The following DPP8 variants were observed in gnomAD, a reference collection of about 807,000 sequenced individuals.
The protein encoded by DPP8 is dipeptidyl peptidase 8.
Under a neutral mutation model 107.5 loss-of-function variants are expected in DPP8, and 31 were observed. That is an observed-to-expected ratio of 0.29 (90% confidence interval 0.22 to 0.39). The LOEUF (loss-of-function observed/expected upper bound fraction) is 0.39. Ranked by LOEUF, DPP8 falls within the 10% of genes least tolerant of loss-of-function variation. DPP8 has a pLI of 1.00. For synonymous variants in DPP8, 381 were observed against 356.6 expected, an observed-to-expected ratio of 1.07 and a Z score of -0.77; for missense variants, 842 against 1,076.1, an observed-to-expected ratio of 0.78 and a Z score of 3.04.
chr15:65,453,883 G>A (rs1038016079), intron 17 of DPP8, among the ~76,000 whole-genome samples: 2 of 152,062 alleles, frequency 1.3e-5, no homozygotes, highest in Admixed American at 1.3e-4. Flanking sequence ...CAACGCAGGT[G>A]GATCTCTTGA....
Position 65,451,952 on chromosome 15 carries a change from G to A in DPP8, c.2414+8C>T, listed in dbSNP as rs755034858. The A allele has an allele frequency of 1.5e-5, 23 of 1,534,814 alleles. 1 individual carries two copies. The highest frequency in any genetic ancestry group is 1.2e-4 in the South Asian group (10 of 82,420). Reference sequence around the variant, plus strand: ...TTTAAAAAAAAAAAAAAAAAAGCTTGCACTTACTCAGAGGGGAACTTTTCT... The same window carrying A: ...TTTAAAAAAAAAAAAAAAAAAGCTTACACTTACTCAGAGGGGAACTTTTCT... On this transcript the variant is annotated splice_region_variant and intron_variant, in intron 18 of 19. Transcript: ENST00000300141.
chr15:65,485,892 G>C (rs555478340), intron 7 of DPP8, among the ~76,000 whole-genome samples: 126 of 151,724 alleles, frequency 8.3e-4, no homozygotes, highest in African/African-American at 3.0e-3. Flanking sequence ...TCAGGAGTTT[G>C]AGACCAGCCT....
chr15:65,512,928 T>C (rs534579113), intron 1 of DPP8: 9 of 199,590 alleles, frequency 4.5e-5, no homozygotes, highest in African/African-American at 1.9e-4. Flanking sequence ...AGCACGTCAA[T>C]AGTGAAGCTA....
intron 6 of DPP8, among the ~76,000 whole-genome samples, 193 bp downstream of exon 6, chr15:65,489,996 G>A (rs954923815): frequency 6.6e-6 from 1 of 152,202 alleles, no homozygotes; most frequent in Admixed American, 6.6e-5. Context: ...TGGGATTACA[G>A]GTGTTAGCCA....
intron 15 of DPP8, among the ~76,000 whole-genome samples, chr15:65,460,358 G>A (rs1343847482): frequency 3.9e-5 from 6 of 152,122 alleles, no homozygotes; most frequent in African/African-American, 1.4e-4. Context: ...CAGGAGAATC[G>A]CTTGAACCCA....
At chr15:65,476,592 T>C (rs932239957) in intron 11 of DPP8, among the ~76,000 whole-genome samples, 4 of 152,162 alleles carry the variant, frequency 2.6e-5, no homozygotes, top group Non-Finnish European at 5.9e-5. Flanking sequence ...GCCACTACCG[T>C]TGGTGTTCCA....
chr15:65,497,053 C>G (rs1326073190), intron 5 of DPP8, among the ~76,000 whole-genome samples: 1 of 151,986 alleles, frequency 6.6e-6, no homozygotes, highest in Non-Finnish European at 1.5e-5. Context: ...ACCATTCCGG[C>G]TAATTTTTGT....
rs1473534772 is a variant in DPP8, at chr15:65,485,230, C to G, written c.956-70G>C. ...CTCAAATTAATTTTGCCAGATCAATCCTCTTTACACTTTAGTTAAGAATAA... is the reference window on the plus strand; with the variant it reads ...CTCAAATTAATTTTGCCAGATCAATGCTCTTTACACTTTAGTTAAGAATAA... On this transcript the variant is annotated intron_variant, in intron 7 of 19. Transcript: ENST00000300141. 3 of 1,157,060 alleles carry G rather than the reference C, an allele frequency of 2.6e-6. No homozygotes were observed. In the African/African-American group the frequency reaches 4.6e-5, roughly 18 times the overall value. The allele number at this position is 1,157,060 out of a possible 1,614,324, so 71.7% of individuals were successfully genotyped here. A position where few individuals can be genotyped will look rare whatever the true frequency, so the allele number is the denominator to read the frequency against.
Position 65,454,331 on chromosome 15 carries a change from T to G in DPP8, c.2203A>C (p.Ile735Leu), listed in dbSNP as rs2064222786. The change falls in exon 17 of 20, where the codon ATC becomes CTC. Residue 735 changes from isoleucine to leucine, a missense_variant. Ile to Leu is a conservative substitution (Grantham distance 5). This residue lies in a region of DPP8 where 179 missense variants were observed against 318.0 expected (regional missense o/e 0.56). Transcript: ENST00000300141. ...TATCCTCCATAGGACCAGCCGTGGA[T>G]GCCCACACGATCTAAGTCAATGAAA... Reference protein sequence around the residue: ...YDFIDLDRVGIHGWSYGGYLS... With the variant: ...YDFIDLDRVGLHGWSYGGYLS... 6.2e-7 allele frequency: 1 copy of G among 1,604,864 alleles called. No individual in the cohort carries two copies. Among genetic ancestry groups the G allele is most frequent in the Non-Finnish European group, 8.5e-7 (1 of 1,176,892 alleles).
At position 65,448,876 on chromosome 15, in the gene DPP8, A is replaced by ATGTG. The variant is rs1270279189; in HGVS notation, c.2527-1871_2527-1870insCACA. On this transcript the variant is annotated intron_variant, in intron 19 of 19. Transcript: ENST00000300141. ...ACATATATATCTAAAATATATATATATATATATATATATATATATATATAT... is the reference window on the plus strand; with the variant it reads ...ACATATATATCTAAAATATATATATATGTGTATATATATATATATATATATATAT... 3.4e-3 allele frequency among the ~76,000 whole-genome samples: 105 copies of ATGTG among 30,502 alleles called. 3 individuals are homozygous for ATGTG. The highest frequency in any genetic ancestry group is 0.011 in the African/African-American group (58 of 5,170). The allele number at this position is 30,502 out of a possible 152,430, so 20.0% of individuals were successfully genotyped here.
intron 11 of DPP8, chr15:65,475,497 C>T (rs2066303736): frequency 6.8e-7 from 1 of 1,476,618 alleles, no homozygotes; most frequent in Non-Finnish European, 9.4e-7. Flanking sequence ...CCCACATAGG[C>T]CATCACATGA....
In DPP8 at chr15:65,512,369, T is replaced by C. The variant is rs765028164; in HGVS notation, c.185A>G (p.Lys62Arg). 4 of 1,613,984 alleles carry C rather than the reference T, an allele frequency of 2.5e-6. No individual in the cohort carries two copies. In the Admixed American group the frequency reaches 6.7e-5, roughly 27 times the overall value. The change falls in exon 2 of 20, where the codon AAG becomes AGG. Residue 62 changes from lysine (K) to arginine (R), a missense_variant. By Grantham distance (26) the Lys-to-Arg change is conservative. Coordinates refer to ENST00000300141, the MANE Select transcript of DPP8 (RefSeq NM_130434.5). ...CACAAACATGAAATCATGTGGTGCC[T>C]TAGCCATCATGTAGCCATGATATTT... ...TRKYHGYMMA[K>R]APHDFMFVKR...
rs941253188 is a variant in DPP8 at position 65,445,902 on chromosome 15, T to A, written c.*982A>T. ...TTCTGCTTAGTTTTTAATCAGGCCC[T>A]CACCACCTCTTCTCTCTGTCATTCC... On this transcript the variant is annotated 3_prime_UTR_variant, in exon 20 of 20. Coordinates refer to ENST00000300141, the MANE Select transcript of DPP8 (RefSeq NM_130434.5). 1 of 152,086 alleles carries A rather than the reference T, an allele frequency of 6.6e-6. No individual in the cohort carries two copies. The highest frequency in any genetic ancestry group is 1.5e-5 in the Non-Finnish European group (1 of 68,008). 9.4% of individuals were successfully genotyped at this position (152,086 alleles called of 1,614,324 possible).
At chr15:65,456,511 A>G in intron 15 of DPP8, 140 bp from the exon 16 acceptor site, 1 of 900,796 alleles carries the variant, frequency 1.1e-6, no homozygotes, top group Non-Finnish European at 1.6e-6. Context: ...ATTTCTTTTT[A>G]AATTAACAAG....
Position 65,500,724 on chromosome 15 carries a change from T to C in DPP8, c.428A>G (p.Lys143Arg). Residue 143 changes from lysine (K) to arginine (R), a missense_variant, in exon 4 of 20, where the codon AAA (lysine) becomes AGA (arginine). By Grantham distance (26) the Lys-to-Arg change is conservative. Around this residue, in one of 2 missense-constraint regions of DPP8, gnomAD observed 663 missense variants for 758.0 expected, o/e 0.87. Transcript: ENST00000300141. ...SREEELLRER[K>R]RIGTVGIASY... Reference sequence around the variant, plus strand: ...AGCAATTCCGACTGTTCCAATGCGTTTTCTTTCTCTTAATAGTTCTTCTTC... The same window carrying C: ...AGCAATTCCGACTGTTCCAATGCGTCTTCTTTCTCTTAATAGTTCTTCTTC... 1 of 1,614,082 alleles carries C rather than the reference T, an allele frequency of 6.2e-7. No individual in the cohort carries two copies.
At chr15:65,460,239 C>T (rs963077304) in intron 15 of DPP8, among the ~76,000 whole-genome samples, 1 of 151,824 alleles carries the variant, frequency 6.6e-6, no homozygotes, top group Non-Finnish European at 1.5e-5. Context: ...GTCAGGAGTT[C>T]GAGACCAGCC....
Position 65,454,430 on chromosome 15 carries a change from A to T in DPP8, c.2119-15T>A. ...TCTATTTGACCCTGTCAAAAAAGGG[A>T]GAACATTTCACTGATTCTGATGAAT... On this transcript the variant is annotated splice_polypyrimidine_tract_variant and intron_variant, in intron 16 of 19. Coordinates refer to ENST00000300141, the MANE Select transcript of DPP8 (RefSeq NM_130434.5). The T allele has an allele frequency of 6.3e-7, 1 of 1,581,212 alleles. No individual in the cohort carries two copies. Among genetic ancestry groups the T allele is most frequent in the Non-Finnish European group, 8.6e-7 (1 of 1,168,092 alleles).
chr15:65,455,774 A>C (rs1431671473), intron 16 of DPP8: 1 of 1,288,414 alleles, frequency 7.8e-7, no homozygotes, highest in Admixed American at 2.3e-5. Context: ...GGAACATCGG[A>C]TTCTCATCAT....
intron 4 of DPP8, among the ~76,000 whole-genome samples, chr15:65,499,070 A>AGTGTGTGTGTGTGTGTGTGTGTGTGTGT (rs56047613): frequency 3.1e-5 from 4 of 129,690 alleles, no homozygotes; most frequent in African/African-American, 1.2e-4. Context: ...CCAAAAAAAA[A>AGTGTGTGTGTGTGTGTGTGTGTGTGTGT]GTGTGTGTGT....
Sources: allele counts gnomAD v4.1 joint callset (sites outside exome capture counted in the v4.1 genomes callset), GRCh38; gene constraint gnomAD v4.1.1; regional missense constraint gnomAD v4.1.1; transcripts MANE v1.5; gene names NCBI Gene and HGNC (gene_info 2026-07-23, HGNC 2026-07-21).